The following KCNMB2 variants were observed in gnomAD, a reference collection of about 807,000 sequenced individuals.
KCNMB2 encodes calcium-activated potassium channel subunit beta-2.
In KCNMB2, 9 loss-of-function variants were observed where a neutral mutation model predicts 24.5. The ratio of observed to expected loss-of-function variants is 0.37; its 90% CI spans 0.22 to 0.64. The LOEUF is 0.64. Among genes scored for constraint, KCNMB2 ranks in the 30% least tolerant of loss-of-function variants. The probability of loss-of-function intolerance (pLI) is 0.63; values close to 1 mark genes in which losing one functional copy is unlikely to be tolerated. For missense variants in KCNMB2, 226 were observed against 284.3 expected, an observed-to-expected ratio of 0.79 and a Z score of 1.47; for synonymous variants, 109 against 104.4, an observed-to-expected ratio of 1.04 and a Z score of -0.27.
rs548640901 is a variant in KCNMB2 at position 178,794,986 on chromosome 3, A to G, written c.-67-12357A>G. On this transcript the variant is annotated intron_variant, in intron 1 of 4. Transcript: ENST00000452583. The stretch of plus-strand genomic sequence containing the variant: ...GGTGTAAAAAACAGTTGCAAAAATG[A>G]CAAGTCACTGTGGGGGATGGAGGGG... Among the ~76,000 whole-genome samples the G allele has an allele frequency of 3.7e-4, 57 of 152,310 alleles. 1 individual carries two copies. The Middle Eastern group carries it at 0.014, about 36-fold the overall frequency.
intron 1 of KCNMB2, among the ~76,000 whole-genome samples, chr3:178,770,376 G>A (rs1712297982): frequency 6.6e-6 from 1 of 152,244 alleles, no homozygotes; most frequent in South Asian, 2.1e-4. Context: ...AGAGACAGGA[G>A]CTTCAGGTTA....
intron 1 of KCNMB2, among the ~76,000 whole-genome samples, chr3:178,700,069 A>G (rs894258187): frequency 2.0e-5 from 3 of 152,234 alleles, no homozygotes; most frequent in Admixed American, 1.3e-4. Context: ...AGCTCTAGGC[A>G]TCTATCCAAG....
intron 1 of KCNMB2, among the ~76,000 whole-genome samples, chr3:178,612,816 T>C (rs1718540348): frequency 6.6e-6 from 1 of 152,168 alleles, no homozygotes; most frequent in Admixed American, 6.6e-5. Flanking sequence ...TCCTTTTCCT[T>C]CTTTCTTTTC....
intron 1 of KCNMB2, among the ~76,000 whole-genome samples, chr3:178,716,268 T>C (rs1722614660): frequency 1.3e-5 from 2 of 152,186 alleles, no homozygotes; most frequent in South Asian, 4.1e-4. Flanking sequence ...GAGTTTGCAA[T>C]ACGTCAGGGT....
At chr3:178,754,690 G>A (rs532037941) in intron 1 of KCNMB2, among the ~76,000 whole-genome samples, 20 of 152,214 alleles carry the variant, frequency 1.3e-4, no homozygotes, top group African/African-American at 4.1e-4. Context: ...CTAATCTGAC[G>A]TTTATAGATG....
chr3:178,648,495 T>A (rs977997641), intron 1 of KCNMB2, among the ~76,000 whole-genome samples: 28 of 152,334 alleles, frequency 1.8e-4, no homozygotes, highest in African/African-American at 6.7e-4. Flanking sequence ...TGAGCTATGA[T>A]CATGCCACTT....
At chr3:178,539,092 T>C (rs1715503453) in intron 1 of KCNMB2, among the ~76,000 whole-genome samples, 1 of 152,076 alleles carries the variant, frequency 6.6e-6, no homozygotes, top group Non-Finnish European at 1.5e-5. Context: ...GAATCCAGAG[T>C]TGTCCTTGTT....
At chr3:178,560,189 A>G (rs1046809270) in intron 1 of KCNMB2, among the ~76,000 whole-genome samples, 3 of 151,766 alleles carry the variant, frequency 2.0e-5, no homozygotes, top group African/African-American at 2.4e-5. Flanking sequence ...ACCAAACAAA[A>G]TACTTCAAGT....
intron 1 of KCNMB2, among the ~76,000 whole-genome samples, chr3:178,593,736 C>G (rs1263023113): frequency 6.6e-6 from 1 of 151,260 alleles, no homozygotes; most frequent in Non-Finnish European, 1.5e-5. Flanking sequence ...TGTCTCTTTC[C>G]CGTGTTGCAA....
At chr3:178,696,788 G>A (rs776409902) in intron 1 of KCNMB2, among the ~76,000 whole-genome samples, 16 of 152,070 alleles carry the variant, frequency 1.1e-4, no homozygotes, top group Non-Finnish European at 1.8e-4. Context: ...TGTAGATTCT[G>A]ATATGTGGTA....
At chr3:178,771,024 T>G (rs1712328589) in intron 1 of KCNMB2, among the ~76,000 whole-genome samples, 1 of 152,238 alleles carries the variant, frequency 6.6e-6, no homozygotes. Flanking sequence ...TAGTCAGTTA[T>G]GTTTTAGTTT....
intron 1 of KCNMB2, among the ~76,000 whole-genome samples, chr3:178,776,789 T>C (rs115505336): frequency 0.011 from 1,605 of 152,270 alleles, 42 homozygotes; most frequent in East Asian, 0.11. Context: ...AGAAGTTGTA[T>C]AATCAGAAAA....
At chr3:178,560,657 CTTTGA>C (rs1161251124) in intron 1 of KCNMB2, among the ~76,000 whole-genome samples, 1 of 152,188 alleles carries the variant, frequency 6.6e-6, no homozygotes, top group Non-Finnish European at 1.5e-5. Flanking sequence ...CTACACTGTT[CTTTGA>C]TAGAGAGTTC....
chr3:178,614,317 G>GTATATATATATGTATGTA (rs1560131789), intron 1 of KCNMB2, among the ~76,000 whole-genome samples: 16 of 99,694 alleles, frequency 1.6e-4, no homozygotes, highest in African/African-American at 4.7e-4. Context: ...ATATGTATGT[G>GTATATATATATGTATGTA]TATATATATA....
rs551492122 is a variant in KCNMB2, at chr3:178,638,494, C to T, written c.-68+101783C>T. Among the ~76,000 whole-genome samples, 3 of 152,296 alleles carry T rather than the reference C, an allele frequency of 2.0e-5. No homozygotes were observed. In the South Asian group the frequency reaches 6.2e-4, roughly 32 times the overall value. On this transcript the variant is annotated intron_variant, in intron 1 of 4. Transcript: ENST00000452583. The stretch of plus-strand genomic sequence containing the variant: ...ATGCCACCTCTTCTCTAAAGCTTTT[C>T]CCCATCCTCCTGCTGGAAGCAATAT...
chr3:178,825,787 C>A, intron 3 of KCNMB2, 29 bp downstream of exon 3: 1 of 1,571,058 alleles, frequency 6.4e-7, no homozygotes, highest in South Asian at 1.1e-5. Context: ...TGGGACCCTG[C>A]TGTTTGTCTC....
At chr3:178,594,988 C>A (rs1317146302) in intron 1 of KCNMB2, among the ~76,000 whole-genome samples, 1 of 135,660 alleles carries the variant, frequency 7.4e-6, no homozygotes, top group Non-Finnish European at 1.5e-5. Flanking sequence ...CATGGGCATA[C>A]AATTATCTGT....
At chr3:178,582,983 C>T (rs997980520) in intron 1 of KCNMB2, among the ~76,000 whole-genome samples, 2 of 152,036 alleles carry the variant, frequency 1.3e-5, no homozygotes, top group Admixed American at 6.6e-5. Flanking sequence ...ATATGTAAAA[C>T]TTCTGGCATA....
At chr3:178,670,212 C>T (rs764130239) in intron 1 of KCNMB2, among the ~76,000 whole-genome samples, 1 of 152,102 alleles carries the variant, frequency 6.6e-6, no homozygotes, top group African/African-American at 2.4e-5. Context: ...TCAAATCCCT[C>T]CTTCATAGCA....
Sources: gnomAD v4.1 joint callset for allele counts (sites outside exome capture counted in the v4.1 genomes callset) on GRCh38, gnomAD v4.1.1 for gene constraint, MANE v1.5 for transcripts, NCBI Gene and HGNC (gene_info 2026-07-23, HGNC 2026-07-21) for gene names.